The following MOV10 variants were observed in gnomAD, a reference collection of about 807,000 sequenced individuals.
MOV10 encodes Mov10 RNA helicase, also known as RNA helicase MOV-10.
In MOV10, 39 loss-of-function variants were observed where a neutral mutation model predicts 108.4. That is an observed-to-expected ratio of 0.36 (90% CI 0.28 to 0.47). MOV10 has a LOEUF of 0.47. MOV10 is among the 20% of genes least tolerant of loss of function. The pLI, the probability that MOV10 is intolerant of heterozygous loss-of-function variation, is 1.00. For missense variants in MOV10, 952 were observed against 1,297.6 expected, an observed-to-expected ratio of 0.73 and a Z score of 4.09; for synonymous variants, 490 against 523.1, an observed-to-expected ratio of 0.94 and a Z score of 0.86.
chr1:112,689,373 C>T, intron 3 of MOV10, 42 bp from the exon 4 acceptor site: 1 of 1,444,456 alleles, frequency 6.9e-7, no homozygotes, highest in Non-Finnish European at 9.7e-7. Context: ...CCCAGTCAGA[C>T]CGCTCCCACC....
rs1674124617 is a variant in MOV10, at chr1:112,696,734, C to T, written c.2086C>T (p.His696Tyr). The change falls in exon 14 of 21, where the codon CAT (histidine) becomes TAT (tyrosine). Residue 696 changes from histidine to tyrosine, a missense_variant. Physicochemically the swap from His to Tyr is moderately conservative, Grantham distance 83. Transcript: ENST00000369645. ...GCTGCGTTCCCCACTGACCCAGAAG[C>T]ATGGACTGGGATACTCACTGCTGGA... The part of the protein sequence containing the change: ...PVLRSPLTQK[H>Y]GLGYSLLERL... The T allele has an allele frequency of 1.2e-6, 2 of 1,606,518 alleles. No homozygotes were observed. Among genetic ancestry groups the T allele is most frequent in the Non-Finnish European group, 8.5e-7 (1 of 1,176,494 alleles).
At chr1:112,680,349 G>C (rs944701095) in intron 2 of MOV10, among the ~76,000 whole-genome samples, 8 of 151,318 alleles carry the variant, frequency 5.3e-5, no homozygotes, top group African/African-American at 2.0e-4. Flanking sequence ...TTAGATACTT[G>C]TTTAAATGTT....
At chr1:112,695,798 T>C (rs1406118628) in intron 11 of MOV10, among the ~76,000 whole-genome samples, 2 of 151,992 alleles carry the variant, frequency 1.3e-5, no homozygotes, top group Non-Finnish European at 2.9e-5. Flanking sequence ...CCCAACACTT[T>C]GAGGGGCGAG....
At position 112,694,284 on chromosome 1, in the gene MOV10, CT is replaced by C. The variant is rs1557766227; in HGVS notation, c.1295+116del. On this transcript the variant is annotated intron_variant, in intron 8 of 20. Transcript: ENST00000369645. The surrounding 1 kb of genome is among the most constrained non-coding windows in gnomAD (Gnocchi z 4.1). The stretch of plus-strand genomic sequence containing the variant: ...TGAGACCCCGGGGCAGAGCAGGAGA[CT>C]TTTCCTCAGGGGTACCCTGAGATGC... The C allele has an allele frequency of 2.0e-6, 3 of 1,471,426 alleles. No homozygotes were observed. The highest frequency in any genetic ancestry group is 2.8e-5 in the African/African-American group (2 of 71,472). The allele number at this position is 1,471,426 out of a possible 1,614,324, so 91.1% of individuals were successfully genotyped here.
rs201096492 is a variant in MOV10 at position 112,693,976 on chromosome 1, C to T, written c.1141-42C>T. 2.8e-3 allele frequency: 4,507 copies of T among 1,608,150 alleles called. 9 individuals carry two copies. Among genetic ancestry groups the T allele is most frequent in the Non-Finnish European group, 3.4e-3 (4,049 of 1,175,846 alleles). On this transcript the variant is annotated intron_variant, in intron 7 of 20. Transcript: ENST00000369645. ...ACCTGGGGGCTGGGCCCTCCAGCGTCCATCCCTGGGACAGAAGCTTGCTTG... is the reference window on the plus strand; with the variant it reads ...ACCTGGGGGCTGGGCCCTCCAGCGTTCATCCCTGGGACAGAAGCTTGCTTG...
chr1:112,682,963 A>G (rs2101289963), intron 2 of MOV10, among the ~76,000 whole-genome samples: 1 of 139,484 alleles, frequency 7.2e-6, no homozygotes, highest in South Asian at 2.2e-4. Flanking sequence ...TCTGTTGCCC[A>G]GGCTAGAGTG....
chr1:112,675,002 A>C lies in MOV10; in HGVS notation c.90A>C (p.Thr30=). The C allele has an allele frequency of 6.3e-7, 1 of 1,584,242 alleles. No individual in the cohort carries two copies. Among genetic ancestry groups the C allele is most frequent in the Non-Finnish European group, 8.6e-7 (1 of 1,166,284 alleles). The change falls in exon 2 of 21, where the codon ACA becomes ACC. Residue 30 remains threonine (T), a synonymous_variant. Coordinates refer to ENST00000369645, the MANE Select transcript of MOV10 (RefSeq NM_001321324.2). The surrounding 1 kb of genome is among the most constrained non-coding windows in gnomAD (Gnocchi z 4.7). The part of the protein sequence containing the change: ...FLVVRGLDME[T]DRERLRTIYN... The stretch of plus-strand genomic sequence containing the variant: ...TCGTTCGGGGACTGGACATGGAGAC[A>C]GATCGCGAGCGGCTGCGGACCATTT...
rs147662995 is a variant in MOV10 at position 112,678,461 on chromosome 1, T to C, written c.137+3412T>C. Among the ~76,000 whole-genome samples the C allele has an allele frequency of 5.6e-4, 85 of 152,204 alleles. 2 individuals are homozygous for C. The East Asian group carries it at 0.014, about 26-fold the overall frequency. ...AGGAAGGAGGCAGCAGTTAGATAAT[T>C]ATTTAATTACGGTTGTGATGAGTGC... is the stretch of plus-strand genomic sequence containing the variant. On this transcript the variant is annotated intron_variant, in intron 2 of 20. Transcript: ENST00000369645.
intron 6 of MOV10, 67 bp from the exon 7 acceptor site, chr1:112,692,694 G>A: frequency 3.2e-6 from 5 of 1,583,356 alleles, no homozygotes; most frequent in Non-Finnish European, 4.3e-6. Flanking sequence ...GGATACTCCT[G>A]GGCATAGGGG....
chr1:112,679,376 A>T (rs779543916), intron 2 of MOV10, among the ~76,000 whole-genome samples: 4 of 152,138 alleles, frequency 2.6e-5, no homozygotes, highest in Non-Finnish European at 4.4e-5. Flanking sequence ...GGATGATAAT[A>T]ATTACTACCT....
chr1:112,680,529 G>A lies in MOV10; in HGVS notation c.137+5480G>A, dbSNP rs1348370528. Among the ~76,000 whole-genome samples the A allele has an allele frequency of 8.7e-5, 13 of 149,448 alleles. 1 individual carries two copies. Among genetic ancestry groups the A allele is most frequent in the African/African-American group, 2.2e-4 (9 of 40,540 alleles). On this transcript the variant is annotated intron_variant, in intron 2 of 20. Coordinates refer to ENST00000369645, the MANE Select transcript of MOV10 (RefSeq NM_001321324.2). ...AAATTAGCTGGGCGTGGTGGCGGGC[G>A]CCTGTAGTCCCAGCTACTCAGGAGG...
intron 2 of MOV10, among the ~76,000 whole-genome samples, chr1:112,685,617 T>C (rs1673011066): frequency 6.7e-6 from 1 of 149,822 alleles, no homozygotes; most frequent in Admixed American, 6.6e-5. Context: ...ATCGTGCCAC[T>C]GCCCTCCAGC....
chr1:112,693,368 G>A (rs75362158), intron 7 of MOV10, among the ~76,000 whole-genome samples: 2,673 of 152,230 alleles, frequency 0.018, 71 homozygotes, highest in East Asian at 0.093. Context: ...TTTTGAACAA[G>A]TTTTTTGTTG....
chr1:112,689,399 C>T lies in MOV10; in HGVS notation c.342-16C>T. On this transcript the variant is annotated splice_polypyrimidine_tract_variant and intron_variant, in intron 3 of 20. Coordinates refer to ENST00000369645, the MANE Select transcript of MOV10 (RefSeq NM_001321324.2). ...CGCTCCCACCCCAACCCCCCCTTGA[C>T]TCCCCTTCTCCCCAGGGCTGAGTAT... The T allele has an allele frequency of 4.9e-6, 3 of 617,848 alleles. No individual in the cohort carries two copies. Among genetic ancestry groups the T allele is most frequent in the Non-Finnish European group, 8.9e-6 (3 of 337,042 alleles). The allele number at this position is 617,848 out of a possible 1,614,324, so 38.3% of individuals were successfully genotyped here.
Position 112,674,893 on chromosome 1 carries a change from G to A in MOV10, c.-20G>A, listed in dbSNP as rs1326301447. ...TTCATTTCCACGGACCCTCCTGCCT[G>A]GGCCGCAGCCGCCGCCGCGATGCCC... On this transcript the variant is annotated 5_prime_UTR_variant, in exon 2 of 21. Coordinates refer to ENST00000369645, the MANE Select transcript of MOV10 (RefSeq NM_001321324.2). 6.4e-7 allele frequency: 1 copy of A among 1,551,964 alleles called. No individual in the cohort carries two copies. The highest frequency in any genetic ancestry group is 8.7e-7 in the Non-Finnish European group (1 of 1,153,680).
intron 12 of MOV10, 90 bp downstream of exon 12, chr1:112,696,341 TG>T: frequency 7.1e-7 from 1 of 1,409,680 alleles, no homozygotes; most frequent in South Asian, 1.2e-5. Flanking sequence ...GTTTCCGGAG[TG>T]GGGTGGTGGG....
At chr1:112,674,622 G>A (rs1408719407), upstream of MOV10, 6 of 279,486 alleles carry the variant, frequency 2.1e-5, no homozygotes, top group African/African-American at 4.5e-5. Context: ...CCAGGGGAGG[G>A]AGCTTGGGGT....
Position 112,696,736 on chromosome 1 carries a change from T to A in MOV10, c.2088T>A (p.His696Gln). Residue 696 changes from histidine to glutamine, a missense_variant, in exon 14 of 21, where the codon CAT becomes CAA. By Grantham distance (24) the His-to-Gln change is conservative (BLOSUM62 0). Around this residue, in one of 5 missense-constraint regions of MOV10, gnomAD observed 453 missense variants for 611.5 expected, o/e 0.74. Transcript: ENST00000369645. ...PVLRSPLTQK[H>Q]GLGYSLLERL... ...TGCGTTCCCCACTGACCCAGAAGCATGGACTGGGATACTCACTGCTGGAGC... is the reference window on the plus strand; with the variant it reads ...TGCGTTCCCCACTGACCCAGAAGCAAGGACTGGGATACTCACTGCTGGAGC... The A allele has an allele frequency of 6.2e-7, 1 of 1,606,624 alleles. No homozygotes were observed. The highest frequency in any genetic ancestry group is 8.5e-7 in the Non-Finnish European group (1 of 1,176,438).
At chr1:112,681,837 T>A (rs760946700) in intron 2 of MOV10, among the ~76,000 whole-genome samples, 23 of 152,082 alleles carry the variant, frequency 1.5e-4, no homozygotes, top group Non-Finnish European at 2.5e-4. Context: ...AGCGTGATTA[T>A]TATCAGCTAG....
Sources: gnomAD v4.1 joint callset for allele counts (sites outside exome capture counted in the v4.1 genomes callset) on GRCh38, gnomAD v4.1.1 for gene constraint, gnomAD v4.1.1 regional missense constraint, Gnocchi (gnomAD v3.1) non-coding constraint, MANE v1.5 for transcripts, NCBI Gene and HGNC (gene_info 2026-07-23, HGNC 2026-07-21) for gene names.